TLL1: variants seen among roughly 807,000 people sequenced by gnomAD.
The protein encoded by TLL1 is tolloid-like protein 1.
A neutral mutation model predicts 128.2 loss-of-function variants in TLL1; 49 were observed. That is an observed-to-expected ratio of 0.38 (90% CI 0.30 to 0.48). The LOEUF is 0.48. Among genes scored for constraint, TLL1 ranks in the 20% least tolerant of loss-of-function variants. The probability of loss-of-function intolerance (pLI) is 0.96; values close to 1 mark genes in which losing one functional copy is unlikely to be tolerated. For missense variants in TLL1, 1,123 were observed against 1,242.0 expected, an observed-to-expected ratio of 0.90 and a Z score of 1.44; for synonymous variants, 454 against 418.8, an observed-to-expected ratio of 1.08 and a Z score of -1.03.
At chr4:165,998,546 C>G (rs896623726) in intron 5 of TLL1, among the ~76,000 whole-genome samples, 1 of 152,048 alleles carries the variant, frequency 6.6e-6, no homozygotes, top group Non-Finnish European at 1.5e-5. Flanking sequence ...GTAATCCCAG[C>G]ACTTTGGGAG....
At chr4:165,922,244 G>A (rs1733070353) in intron 1 of TLL1, among the ~76,000 whole-genome samples, 2 of 152,120 alleles carry the variant, frequency 1.3e-5, no homozygotes, top group Non-Finnish European at 2.9e-5. Context: ...AAACTTAAGA[G>A]GAGTATTTGT....
chr4:166,048,734 C>A (rs976720959), intron 12 of TLL1, among the ~76,000 whole-genome samples: 2 of 152,122 alleles, frequency 1.3e-5, no homozygotes, highest in African/African-American at 2.4e-5. Flanking sequence ...GTGAAATAAA[C>A]CTGGAGCTTA....
chr4:165,912,471 G>A (rs528571260), intron 1 of TLL1, among the ~76,000 whole-genome samples: 3 of 152,306 alleles, frequency 2.0e-5, no homozygotes, highest in East Asian at 3.9e-4. Context: ...TCTCAAACCT[G>A]CCAGAGTATT....
chr4:165,976,297 C>T (rs1174436103), intron 1 of TLL1, among the ~76,000 whole-genome samples: 33 of 151,976 alleles, frequency 2.2e-4, no homozygotes, highest in Non-Finnish European at 2.9e-5. Context: ...TTATTATATA[C>T]AAGGAACACT....
At chr4:165,910,220 G>A (rs1461100308) in intron 1 of TLL1, among the ~76,000 whole-genome samples, 1 of 152,156 alleles carries the variant, frequency 6.6e-6, no homozygotes, top group East Asian at 1.9e-4. Flanking sequence ...GGATGGATTT[G>A]TAAGCTCATT....
At chr4:166,007,876 A>C in intron 6 of TLL1, 67 bp from the exon 7 acceptor site, 1 of 966,946 alleles carries the variant, frequency 1.0e-6, no homozygotes, top group Non-Finnish European at 1.7e-6. Context: ...AGGTGTAGGA[A>C]AGGCCTTCTG....
chr4:165,894,739 T>C (rs575152957), intron 1 of TLL1, among the ~76,000 whole-genome samples: 1 of 152,170 alleles, frequency 6.6e-6, no homozygotes, highest in African/African-American at 2.4e-5. Context: ...TGGTATTAGC[T>C]GGAGATTTTT....
chr4:165,918,132 T>A (rs994702377), intron 1 of TLL1, among the ~76,000 whole-genome samples: 4 of 152,194 alleles, frequency 2.6e-5, no homozygotes, highest in Non-Finnish European at 4.4e-5. Context: ...TGTAAGATAA[T>A]AGTATACCAT....
At chr4:165,935,814 G>C (rs1733735633) in intron 1 of TLL1, among the ~76,000 whole-genome samples, 1 of 152,084 alleles carries the variant, frequency 6.6e-6, no homozygotes, top group South Asian at 2.1e-4. Context: ...CTATCTGAGG[G>C]AGAATTTGTA....
chr4:166,041,532 C>G (rs1739240571), intron 10 of TLL1, among the ~76,000 whole-genome samples: 2 of 152,028 alleles, frequency 1.3e-5, no homozygotes, highest in Non-Finnish European at 2.9e-5. Context: ...ATTTCTTGAC[C>G]TTATGATCCA....
intron 1 of TLL1, among the ~76,000 whole-genome samples, chr4:165,973,444 G>A (rs753318948): frequency 4.0e-5 from 6 of 151,682 alleles, no homozygotes; most frequent in Non-Finnish European, 7.4e-5. Context: ...GTATTCTCTG[G>A]GCTACAAGTA....
chr4:166,025,254 T>A (rs1738437041), intron 8 of TLL1, 62 bp from the exon 9 acceptor site: 1 of 1,243,694 alleles, frequency 8.0e-7, no homozygotes, highest in Admixed American at 1.7e-5. Context: ...ATGGCTTTGT[T>A]TATGATATTC....
rs12505230 is a variant in TLL1 at position 166,042,200 on chromosome 4, G to A, written c.1378+57G>A. On this transcript the variant is annotated intron_variant, in intron 11 of 20. Transcript: ENST00000061240. ...ATCTTATATCTCAACAGAAATGTTC[G>A]TTTCTTAATTTCATTACAATGACAT... The A allele has an allele frequency of 3.5e-3, 4,018 of 1,163,404 alleles. 120 individuals are homozygous for A. The Admixed American group carries it at 0.056, about 16-fold the overall frequency. The allele number at this position is 1,163,404 out of a possible 1,614,324, so 72.1% of individuals were successfully genotyped here.
intron 12 of TLL1, among the ~76,000 whole-genome samples, chr4:166,054,712 G>A (rs1157798581): frequency 6.6e-6 from 1 of 152,006 alleles, no homozygotes; most frequent in Non-Finnish European, 1.5e-5. Context: ...ACTTGCAGCA[G>A]TGTATCAGGC....
intron 9 of TLL1, among the ~76,000 whole-genome samples, chr4:166,032,251 A>T (rs943585894): frequency 2.6e-5 from 4 of 152,158 alleles, no homozygotes. Context: ...GAAATGTAAA[A>T]GTGTAGTATT....
chr4:165,945,043 A>G (rs1451738198), intron 1 of TLL1, among the ~76,000 whole-genome samples: 1 of 152,172 alleles, frequency 6.6e-6, no homozygotes, highest in East Asian at 1.9e-4. Context: ...AAGCAAGTCC[A>G]GGGATAAAGC....
intron 1 of TLL1, among the ~76,000 whole-genome samples, chr4:165,988,665 A>C (rs562899841): frequency 6.6e-6 from 1 of 152,014 alleles, no homozygotes; most frequent in South Asian, 2.1e-4. Context: ...ATAGAGTCAG[A>C]GTGTTTTCAG....
At chr4:166,090,725 G>T (rs1741729101) in intron 18 of TLL1, among the ~76,000 whole-genome samples, 4 of 151,954 alleles carry the variant, frequency 2.6e-5, no homozygotes, top group Admixed American at 2.6e-4. Flanking sequence ...GTGCCTAAGG[G>T]TAGGATAATG....
Position 165,915,518 on chromosome 4 carries a change from T to A in TLL1, c.169+41445T>A, listed in dbSNP as rs534598053. 2.0e-5 allele frequency among the ~76,000 whole-genome samples: 3 copies of A among 152,190 alleles called. No homozygotes were observed. The South Asian group carries it at 6.2e-4, about 32-fold the overall frequency. ...AAGTGAATTTTGTGTTCACTGTTCATATGATTGAAGTTATTAATGCCAAGG... is the reference window on the plus strand; with the variant it reads ...AAGTGAATTTTGTGTTCACTGTTCAAATGATTGAAGTTATTAATGCCAAGG... On this transcript the variant is annotated intron_variant, in intron 1 of 20. Transcript: ENST00000061240.
Sources: gnomAD v4.1 joint callset for allele counts (sites outside exome capture counted in the v4.1 genomes callset) on GRCh38, gnomAD v4.1.1 for gene constraint, MANE v1.5 for transcripts, NCBI Gene and HGNC (gene_info 2026-07-23, HGNC 2026-07-21) for gene names.